The following ANKS1A variants were observed in gnomAD, a reference collection of about 807,000 sequenced individuals.
The protein encoded by ANKS1A is ankyrin repeat and SAM domain-containing protein 1A.
ANKS1A carries 55 observed loss-of-function variants against 120.3 expected under a neutral mutation model. The observed-to-expected ratio is 0.46, with a 90% confidence interval of 0.37 to 0.57. ANKS1A has a LOEUF of 0.57. Ranked by LOEUF, ANKS1A falls within the 20% of genes least tolerant of loss-of-function variation. ANKS1A has a pLI of 0.00. For missense variants in ANKS1A, 1,123 were observed against 1,480.3 expected (o/e 0.76, Z 3.96); for synonymous variants, 590 against 604.7 (o/e 0.98, Z 0.36).
chr6:35,041,949 C>T (rs1775480842), intron 11 of ANKS1A, among the ~76,000 whole-genome samples: 1 of 152,136 alleles, frequency 6.6e-6, no homozygotes, highest in Non-Finnish European at 1.5e-5. Context: ...TTTAGGAATA[C>T]TGACATAGAT....
chr6:34,934,612 C>T (rs2127476821), intron 1 of ANKS1A, among the ~76,000 whole-genome samples: 1 of 152,358 alleles, frequency 6.6e-6, no homozygotes, highest in South Asian at 2.1e-4. Flanking sequence ...ATTCAGCGGT[C>T]ATGCTTACAT....
intron 1 of ANKS1A, among the ~76,000 whole-genome samples, chr6:34,955,387 T>C (rs1581744678): frequency 6.6e-6 from 1 of 152,206 alleles, no homozygotes; most frequent in South Asian, 2.1e-4. Context: ...TCCGTCCACC[T>C]CAGCCTCCCA....
At chr6:34,896,577 G>A (rs1767097327) in intron 1 of ANKS1A, among the ~76,000 whole-genome samples, 1 of 152,134 alleles carries the variant, frequency 6.6e-6, no homozygotes, top group Non-Finnish European at 1.5e-5. Flanking sequence ...AAATCTAGAA[G>A]GTGCCTAATC....
Position 35,090,849 on chromosome 6 carries a change from C to G in ANKS1A, c.*2240C>G, listed in dbSNP as rs1241254509. ...GCTCAGTACCTGTCCCAGCCACAGG[C>G]TTCTTGTCCACCTCTTCTCCCCTGC... On this transcript the variant is annotated 3_prime_UTR_variant, in exon 24 of 24. Transcript: ENST00000360359. The G allele has an allele frequency of 5.1e-6, 5 of 985,798 alleles. No homozygotes were observed. The highest frequency in any genetic ancestry group is 6.0e-6 in the Non-Finnish European group (5 of 830,218). The allele number at this position is 985,798 out of a possible 1,614,324, so 61.1% of individuals were successfully genotyped here.
chr6:35,005,835 T>C (rs1032432378), intron 10 of ANKS1A: 78 of 409,868 alleles, frequency 1.9e-4, no homozygotes, highest in African/African-American at 1.7e-3. Context: ...GGTGGATCAC[T>C]TGAGGTCAGG....
At chr6:35,097,737 G>T in the ANKS1A span, among the ~76,000 whole-genome samples, 1 of 150,552 alleles carries the variant, frequency 6.6e-6, no homozygotes, top group Non-Finnish European at 1.5e-5. Context: ...GCAAACAAAA[G>T]ATAAATTTGC....
intron 11 of ANKS1A, among the ~76,000 whole-genome samples, chr6:35,049,131 G>T (rs1193927203): frequency 2.0e-5 from 3 of 152,226 alleles, no homozygotes; most frequent in Non-Finnish European, 2.9e-5. Flanking sequence ...TCAGCTGAAA[G>T]TTGTGGAGTG....
At chr6:35,063,914 G>A (rs1009081965) in intron 13 of ANKS1A, among the ~76,000 whole-genome samples, 5 of 152,200 alleles carry the variant, frequency 3.3e-5, no homozygotes, top group Admixed American at 2.6e-4. Context: ...GTCCAACCTC[G>A]AACCTCTGGG....
chr6:34,995,322 T>C (rs1292998053), intron 10 of ANKS1A, among the ~76,000 whole-genome samples: 8 of 152,204 alleles, frequency 5.3e-5, no homozygotes, highest in Non-Finnish European at 1.2e-4. Context: ...TGGTCCTGTT[T>C]AAAAGGTTTT....
Position 34,982,945 on chromosome 6 carries a change from C to T in ANKS1A, c.808+118C>T, listed in dbSNP as rs970734747. The T allele has an allele frequency of 7.6e-7, 1 of 1,324,432 alleles. No individual in the cohort carries two copies. The highest frequency in any genetic ancestry group is 1.1e-6 in the Non-Finnish European group (1 of 922,936). 82.0% of individuals were successfully genotyped at this position (1,324,432 alleles called of 1,614,324 possible). ...TGAACTCAATGTATGTGTATCTCCA[C>T]TGGTTGATTACAAGTGTGTAAACTG... On this transcript the variant is annotated intron_variant, in intron 5 of 23. Transcript: ENST00000360359. This position sits in a 1 kb window ranked among gnomAD's most constrained non-coding sequence, Gnocchi z 4.9.
chr6:35,000,764 C>A (rs2140419), intron 10 of ANKS1A, among the ~76,000 whole-genome samples: 138,910 of 152,170 alleles, frequency 0.91, 64,009 homozygotes, highest in East Asian at 0.99. Flanking sequence ...GGAAAGTAAA[C>A]TATACCTTTG....
chr6:35,021,964 C>T lies in ANKS1A; in HGVS notation c.2010+3905C>T, dbSNP rs979850048. The stretch of plus-strand genomic sequence containing the variant: ...TCACACCACTGCACCTCAGCCTGAG[C>T]GACACAGTGAGACTCTGTCTAAAAA... On this transcript the variant is annotated intron_variant, in intron 11 of 23. Coordinates refer to ENST00000360359, the MANE Select transcript of ANKS1A (RefSeq NM_015245.3). Among the ~76,000 whole-genome samples the T allele has an allele frequency of 1.1e-4, 17 of 150,024 alleles. No individual in the cohort carries two copies. The South Asian group carries it at 1.3e-3, about 11-fold the overall frequency.
intron 1 of ANKS1A, among the ~76,000 whole-genome samples, chr6:34,963,935 G>C (rs1770772615): frequency 6.6e-6 from 1 of 152,096 alleles, no homozygotes; most frequent in Non-Finnish European, 1.5e-5. Flanking sequence ...TGTCTTTTCA[G>C]ATCTTTTGCC....
chr6:35,078,675 G>A lies in ANKS1A; in HGVS notation c.2283+19G>A. On this transcript the variant is annotated intron_variant, in intron 14 of 23. Coordinates refer to ENST00000360359, the MANE Select transcript of ANKS1A (RefSeq NM_015245.3). ...ACCCAAGGTGACCATCGCCGGCCCT[G>A]TAGCCTCAGCCCGTGCGGAGCCAGG... 1.9e-6 allele frequency: 3 copies of A among 1,599,532 alleles called. No individual in the cohort carries two copies. The highest frequency in any genetic ancestry group is 2.5e-6 in the Non-Finnish European group (3 of 1,179,464).
At chr6:34,917,817 G>A (rs1768239054) in intron 1 of ANKS1A, among the ~76,000 whole-genome samples, 1 of 152,180 alleles carries the variant, frequency 6.6e-6, no homozygotes, top group Admixed American at 6.6e-5. Context: ...TTTCTGTTCT[G>A]GCCAAGGAGG....
intron 10 of ANKS1A, among the ~76,000 whole-genome samples, chr6:35,015,563 A>G (rs541294894): frequency 4.6e-5 from 7 of 150,902 alleles, no homozygotes; most frequent in African/African-American, 1.5e-4. Flanking sequence ...GCTCCTGTGG[A>G]TAAGTAATCA....
chr6:34,893,289 T>C (rs1312314165), intron 1 of ANKS1A, among the ~76,000 whole-genome samples: 3 of 152,202 alleles, frequency 2.0e-5, no homozygotes, highest in African/African-American at 7.2e-5. Flanking sequence ...CAAAGTACCA[T>C]GCCAGACACA....
At chr6:35,053,573 C>T (rs984804242) in intron 11 of ANKS1A, among the ~76,000 whole-genome samples, 4 of 152,218 alleles carry the variant, frequency 2.6e-5, no homozygotes, top group Admixed American at 2.0e-4. Context: ...TGTATGCAGG[C>T]GCTCTAGAAA....
Position 35,088,871 on chromosome 6 carries a change from C to A in ANKS1A, c.*262C>A. 7.0e-7 allele frequency: 1 copy of A among 1,426,226 alleles called. No individual in the cohort carries two copies. The highest frequency in any genetic ancestry group is 1.5e-5 in the South Asian group (1 of 65,692). 88.3% of individuals were successfully genotyped at this position (1,426,226 alleles called of 1,614,324 possible). ...GGGTCAAGAAGTGACTTGTTCAGAA[C>A]ACATTGTTTTTAACAGAAAAAAAAT... On this transcript the variant is annotated 3_prime_UTR_variant, in exon 24 of 24. Coordinates refer to ENST00000360359, the MANE Select transcript of ANKS1A (RefSeq NM_015245.3).
Sources: gnomAD v4.1 joint callset for allele counts (sites outside exome capture counted in the v4.1 genomes callset) on GRCh38, gnomAD v4.1.1 for gene constraint, Gnocchi (gnomAD v3.1) non-coding constraint, MANE v1.5 for transcripts, NCBI Gene and HGNC (gene_info 2026-07-23, HGNC 2026-07-21) for gene names.